The following FER1L5 variants were observed in gnomAD, a reference collection of about 807,000 sequenced individuals.
FER1L5 encodes the protein fer-1 like family member 5.
In FER1L5, 187 loss-of-function variants were observed where a neutral mutation model predicts 279.9. The observed-to-expected ratio is 0.67, with a 90% CI of 0.59 to 0.75. The LOEUF (loss-of-function observed/expected upper bound fraction) is 0.75. Among genes scored for constraint, FER1L5 ranks in the 30% least tolerant of loss-of-function variants. The probability of loss-of-function intolerance (pLI) is 0.00; values close to 1 mark genes in which losing one functional copy is unlikely to be tolerated. For missense variants in FER1L5, 2,091 were observed against 2,594.4 expected (o/e 0.81, Z 4.21); for synonymous variants, 921 against 989.7 (o/e 0.93, Z 1.30).
In FER1L5 at chr2:96,698,787, C is replaced by T. The variant is rs2077479541; in HGVS notation, c.4473C>T (p.Tyr1491=). 1.9e-6 allele frequency: 3 copies of T among 1,566,314 alleles called. No homozygotes were observed. Among genetic ancestry groups the T allele is most frequent in the Non-Finnish European group, 2.6e-6 (3 of 1,155,824 alleles). Residue 1491 remains tyrosine, a synonymous_variant, in exon 41 of 53, where the codon TAC becomes TAT. Transcript: ENST00000624922. This position sits in a 1 kb window ranked among gnomAD's most constrained non-coding sequence, Gnocchi z 5.5. The part of the protein sequence containing the change: ...DFPQPCLVRV[Y]MVRAINLQPQ... ...CCCAGCCGTGCTTGGTGCGGGTGTA[C>T]ATGGTACGAGCCATCAACCTGCAGC...
chr2:96,689,063 C>T lies in FER1L5; in HGVS notation c.2362-150C>T, dbSNP rs2077042212. ...TGACCTCTGGGCCTCAGTGCCCTCACCTGTGCAATGGGGACATGGCCCTTT... is the reference window on the plus strand; with the variant it reads ...TGACCTCTGGGCCTCAGTGCCCTCATCTGTGCAATGGGGACATGGCCCTTT... On this transcript the variant is annotated intron_variant, in intron 24 of 52. Coordinates refer to ENST00000624922, the MANE Select transcript of FER1L5 (RefSeq NM_001293083.2). The surrounding 1 kb of genome is among the most constrained non-coding windows in gnomAD (Gnocchi z 4.6). 4.4e-6 allele frequency: 4 copies of T among 915,530 alleles called. No homozygotes were observed. Among genetic ancestry groups the T allele is most frequent in the Non-Finnish European group, 6.5e-6 (4 of 617,800 alleles). The allele number at this position is 915,530 out of a possible 1,614,324, so 56.7% of individuals were successfully genotyped here.
chr2:96,682,039 G>A (rs2076748526), intron 19 of FER1L5, among the ~76,000 whole-genome samples: 1 of 151,538 alleles, frequency 6.6e-6, no homozygotes, highest in African/African-American at 2.4e-5. Context: ...GCCCACCTCG[G>A]CCTCCCAAAA....
Position 96,694,231 on chromosome 2 carries a change from C to A in FER1L5, c.3637-129C>A. 2 of 1,304,164 alleles carry A rather than the reference C, an allele frequency of 1.5e-6. No homozygotes were observed. Among genetic ancestry groups the A allele is most frequent in the South Asian group, 1.5e-5 (1 of 65,532 alleles). 80.8% of individuals were successfully genotyped at this position (1,304,164 alleles called of 1,614,324 possible). On this transcript the variant is annotated intron_variant, in intron 33 of 52. Transcript: ENST00000624922. This position sits in a 1 kb window ranked among gnomAD's most constrained non-coding sequence, Gnocchi z 4.6. ...GACGCTGGCCTGACCAGCCTCTCCC[C>A]TAAGTCCCCCTGCCAGCCCCTACCC... is the stretch of plus-strand genomic sequence containing the variant.
Position 96,693,576 on chromosome 2 carries a change from C to T in FER1L5, c.3363C>T (p.Pro1121=). The T allele has an allele frequency of 6.4e-7, 1 of 1,551,564 alleles. No homozygotes were observed. The highest frequency in any genetic ancestry group is 1.2e-5 in the South Asian group (1 of 84,046). ...AAACCCTGAGGAGCTCTGCAGGCCC[C>T]ACATGGGCCCAGACACTCATCTTCC... ...CTQTLRSSAG[P]TWAQTLIFQH... Residue 1121 remains proline (P), a synonymous_variant, in exon 32 of 53, where the codon CCC becomes CCT. Coordinates refer to ENST00000624922, the MANE Select transcript of FER1L5 (RefSeq NM_001293083.2).
rs1214680901 is a variant in FER1L5 at position 96,695,529 on chromosome 2, G to A, written c.3762G>A (p.Arg1254=). 6.3e-7 allele frequency: 1 copy of A among 1,592,796 alleles called. No individual in the cohort carries two copies. Residue 1254 remains arginine (R), a synonymous_variant, in exon 35 of 53, where the codon CGG becomes CGA. Transcript: ENST00000624922. ...MAIEILAWGL[R]NMKKASSPQL... is the part of the protein sequence containing the mutation. Reference sequence around the variant, plus strand: ...GGTAGATCCTGGCCTGGGGCCTTCGGAACATGAAGAAGGCGAGCTCCCCCC... The same window carrying A: ...GGTAGATCCTGGCCTGGGGCCTTCGAAACATGAAGAAGGCGAGCTCCCCCC...
In FER1L5 at chr2:96,649,612, T is replaced by C; in HGVS notation, c.340-11T>C. 1 of 1,551,112 alleles carries C rather than the reference T, an allele frequency of 6.4e-7. No homozygotes were observed. On this transcript the variant is annotated splice_polypyrimidine_tract_variant and intron_variant, in intron 4 of 52. Coordinates refer to ENST00000624922, the MANE Select transcript of FER1L5 (RefSeq NM_001293083.2). Reference sequence around the variant, plus strand: ...GGTCTGGCTTACAGCTCCCTTGCCTTTGTCTTGCAGTGTACTGTCACCCTA... The same window carrying C: ...GGTCTGGCTTACAGCTCCCTTGCCTCTGTCTTGCAGTGTACTGTCACCCTA...
intron 18 of FER1L5, among the ~76,000 whole-genome samples, chr2:96,672,323 G>A (rs898846105): frequency 3.3e-5 from 5 of 152,114 alleles, no homozygotes; most frequent in South Asian, 2.1e-4. Flanking sequence ...TGATCCGCCC[G>A]CCTCAGCCTC....
chr2:96,671,773 A>G lies in FER1L5; in HGVS notation c.1492-1304A>G, dbSNP rs78350318. ...GAAGCGGTTGGACAGGAGCCTGCAG[A>G]GGCGGACTCAGGAGTGGAGATTTGC... On this transcript the variant is annotated intron_variant, in intron 18 of 52. Transcript: ENST00000624922. 2.7e-3 allele frequency among the ~76,000 whole-genome samples: 406 copies of G among 152,344 alleles called. 6 individuals are homozygous for G. Among genetic ancestry groups the G allele is most frequent in the Admixed American group, 9.9e-3 (151 of 15,302 alleles).
At chr2:96,674,949 C>G (rs1027713013) in intron 19 of FER1L5, among the ~76,000 whole-genome samples, 1 of 152,174 alleles carries the variant, frequency 6.6e-6, no homozygotes, top group Non-Finnish European at 1.5e-5. Context: ...TAACCATGAC[C>G]CTGACTCTTG....
chr2:96,691,086 T>G lies in FER1L5; in HGVS notation c.2744-104T>G. 4 of 1,346,512 alleles carry G rather than the reference T, an allele frequency of 3.0e-6. No individual in the cohort carries two copies. The highest frequency in any genetic ancestry group is 4.0e-6 in the Non-Finnish European group (4 of 1,007,582). The allele number at this position is 1,346,512 out of a possible 1,614,324, so 83.4% of individuals were successfully genotyped here. ...CACACCTCAGGGCCAGAGACCTGGA[T>G]GTGAGGGAAGTAATGCCCCTCTAGG... is the stretch of plus-strand genomic sequence containing the variant. On this transcript the variant is annotated intron_variant, in intron 27 of 52. Coordinates refer to ENST00000624922, the MANE Select transcript of FER1L5 (RefSeq NM_001293083.2). The surrounding 1 kb of genome is among the most constrained non-coding windows in gnomAD (Gnocchi z 6.0).
intron 1 of FER1L5, among the ~76,000 whole-genome samples, chr2:96,644,244 C>T (rs866682827): frequency 3.3e-5 from 5 of 150,734 alleles, no homozygotes; most frequent in Non-Finnish European, 5.9e-5. Context: ...TTTGGGAGGC[C>T]GAGGTGGGCG....
In FER1L5 at chr2:96,685,295, C is replaced by T. The variant is rs527686167; in HGVS notation, c.1795-34C>T. The T allele has an allele frequency of 7.9e-5, 121 of 1,533,484 alleles. 1 individual carries two copies. In the South Asian group the frequency reaches 1.0e-3, roughly 13 times the overall value. 95.0% of individuals were successfully genotyped at this position (1,533,484 alleles called of 1,614,324 possible). On this transcript the variant is annotated intron_variant, in intron 20 of 52. Coordinates refer to ENST00000624922, the MANE Select transcript of FER1L5 (RefSeq NM_001293083.2). ...TGTCCAGCTGGGCTCCATGCTGAGG[C>T]GGGCTCTCTCACCATTTCTCTCCTG...
At position 96,699,740 on chromosome 2, in the gene FER1L5, G is replaced by C; in HGVS notation, c.4781+20G>C. On this transcript the variant is annotated intron_variant, in intron 43 of 52. Transcript: ENST00000624922. ...CTGCCAGTGAGAGTGGGCCCGTCTG[G>C]GGGAAGGGAGTCAGGTGGGGTGGAA... 1.2e-6 allele frequency: 2 copies of C among 1,612,832 alleles called. No homozygotes were observed. The highest frequency in any genetic ancestry group is 2.7e-5 in the African/African-American group (2 of 75,022).
intron 1 of FER1L5, among the ~76,000 whole-genome samples, chr2:96,646,039 C>T (rs1290578391): frequency 6.7e-6 from 1 of 149,092 alleles, no homozygotes; most frequent in African/African-American, 2.5e-5. Context: ...TGCTCTGTCA[C>T]CCAGGCTGGA....
At chr2:96,645,962 G>C (rs955817644) in intron 1 of FER1L5, among the ~76,000 whole-genome samples, 4 of 151,422 alleles carry the variant, frequency 2.6e-5, no homozygotes, top group Admixed American at 2.6e-4. Flanking sequence ...TGACTTGAAG[G>C]CAGTGCCTGC....
intron 37 of FER1L5, 121 bp downstream of exon 37, chr2:96,696,198 G>A (rs2077372305): frequency 4.0e-6 from 5 of 1,247,230 alleles, no homozygotes; most frequent in African/African-American, 3.0e-5. Flanking sequence ...GGCCCACCTC[G>A]CTCTGTAGGG....
intron 1 of FER1L5, among the ~76,000 whole-genome samples, 171 bp from the exon 2 acceptor site, chr2:96,646,228 GAC>G (rs1455498436): frequency 6.6e-6 from 1 of 152,100 alleles, no homozygotes; most frequent in African/African-American, 2.4e-5. Flanking sequence ...CTGATCTCCT[GAC>G]CTCGTGATCT....
chr2:96,665,537 T>A (rs918961602), intron 14 of FER1L5, among the ~76,000 whole-genome samples: 3 of 152,048 alleles, frequency 2.0e-5, no homozygotes, highest in Non-Finnish European at 2.9e-5. Context: ...GATCCTCAGA[T>A]GTTCTGTGGC....
At chr2:96,699,850 C>T in intron 43 of FER1L5, 82 bp from the exon 44 acceptor site, 1 of 1,582,444 alleles carries the variant, frequency 6.3e-7, no homozygotes. Context: ...ACCCAAGCTT[C>T]CACCCGTGGT....
Sources: gnomAD v4.1 joint callset for allele counts (sites outside exome capture counted in the v4.1 genomes callset) on GRCh38, gnomAD v4.1.1 for gene constraint, Gnocchi (gnomAD v3.1) non-coding constraint, MANE v1.5 for transcripts, NCBI Gene and HGNC (gene_info 2026-07-23, HGNC 2026-07-21) for gene names.